The following PDE6C variants were observed in gnomAD, a reference collection of about 807,000 sequenced individuals.
PDE6C encodes the protein phosphodiesterase 6C, also known as cone cGMP-specific 3',5'-cyclic phosphodiesterase subunit alpha'.
A neutral mutation model predicts 113.1 loss-of-function variants in PDE6C; 75 were observed. The observed-to-expected ratio is 0.66, with a 90% confidence interval of 0.55 to 0.80. The LOEUF is 0.80. Ranked by LOEUF, PDE6C falls within the 30% of genes least tolerant of loss-of-function variation. The probability of loss-of-function intolerance (pLI) is 0.00; values close to 1 mark genes in which losing one functional copy is unlikely to be tolerated. For synonymous variants in PDE6C, 375 were observed against 363.7 expected, an observed-to-expected ratio of 1.03 and a Z score of -0.35; for missense variants, 912 against 1,038.6, an observed-to-expected ratio of 0.88 and a Z score of 1.67.
chr10:93,644,665 G>A (rs2058574461), intron 14 of PDE6C, among the ~76,000 whole-genome samples: 1 of 150,996 alleles, frequency 6.6e-6, no homozygotes, highest in Non-Finnish European at 1.5e-5. Flanking sequence ...CTACCTACCT[G>A]TATATTTGTA....
At chr10:93,626,947 T>A in intron 7 of PDE6C, 76 bp downstream of exon 7, 1 of 1,326,182 alleles carries the variant, frequency 7.5e-7, no homozygotes, top group Non-Finnish European at 1.1e-6. Flanking sequence ...GATACAATTG[T>A]GAAAGCAAGA....
chr10:93,645,679 A>C (rs1045594150), intron 14 of PDE6C, among the ~76,000 whole-genome samples: 3 of 152,196 alleles, frequency 2.0e-5, no homozygotes, highest in African/African-American at 7.2e-5. Context: ...CCACCGCCAT[A>C]AGCCCCAGGG....
intron 1 of PDE6C, among the ~76,000 whole-genome samples, chr10:93,617,731 G>A (rs998931597): frequency 2.0e-5 from 3 of 152,130 alleles, no homozygotes; most frequent in African/African-American, 7.2e-5. Flanking sequence ...CAGAGATCAC[G>A]CCATTGCACT....
intron 16 of PDE6C, among the ~76,000 whole-genome samples, chr10:93,658,014 TA>T (rs1188451242): frequency 1.3e-5 from 2 of 150,562 alleles, no homozygotes; most frequent in Non-Finnish European, 3.0e-5. Context: ...ACAAAAAAAT[TA>T]AAAAATTAGC....
chr10:93,629,506 G>A (rs1407091506), intron 8 of PDE6C, among the ~76,000 whole-genome samples: 2 of 152,144 alleles, frequency 1.3e-5, no homozygotes, highest in African/African-American at 2.4e-5. Context: ...AAGACAGAAG[G>A]CCAGGGAGGG....
At chr10:93,620,517 G>T (rs1020669342) in intron 1 of PDE6C, 115 bp from the exon 2 acceptor site, 10 of 1,046,230 alleles carry the variant, frequency 9.6e-6, no homozygotes, top group East Asian at 2.4e-5. Flanking sequence ...CTGTACTGGA[G>T]CCCTGGTTAT....
intron 18 of PDE6C, among the ~76,000 whole-genome samples, chr10:93,660,453 C>A (rs2058660971): frequency 6.6e-6 from 1 of 152,126 alleles, no homozygotes; most frequent in Non-Finnish European, 1.5e-5. Context: ...TGGCTCCTTT[C>A]CTCCAGGAAT....
chr10:93,612,539 C>A lies in PDE6C; in HGVS notation c.-187C>A. 1.4e-6 allele frequency: 1 copy of A among 732,268 alleles called. No homozygotes were observed. Among genetic ancestry groups the A allele is most frequent in the Non-Finnish European group, 2.3e-6 (1 of 430,300 alleles). 45.4% of individuals were successfully genotyped at this position (732,268 alleles called of 1,614,324 possible). ...CCCACCCTAAGCCAGGGCCTTCTGT[C>A]ACATCCCAAGAGTTACAGGCAGTTT... On this transcript the variant is annotated 5_prime_UTR_variant, in exon 1 of 22. Transcript: ENST00000371447.
chr10:93,658,721 C>T (rs1419935122), intron 16 of PDE6C, among the ~76,000 whole-genome samples, 180 bp from the exon 17 acceptor site: 1 of 151,638 alleles, frequency 6.6e-6, no homozygotes, highest in Admixed American at 6.6e-5. Context: ...TGCCTTAAAC[C>T]CTTTCTGAGC....
chr10:93,612,762 C>A lies in PDE6C; in HGVS notation c.37C>A (p.Leu13Met). The change falls in exon 1 of 22, where the codon CTG becomes ATG. Residue 13 changes from leucine (L) to methionine (M), a missense_variant. Physicochemically the swap from Leu to Met is conservative, Grantham distance 15. Coordinates refer to ENST00000371447, the MANE Select transcript of PDE6C (RefSeq NM_006204.4). ...CAACCAAGTTGCCGTGGAGAAATAC[C>A]TGGAGGAGAACCCTCAGTTTGCCAA... is the stretch of plus-strand genomic sequence containing the variant. ...EINQVAVEKY[L>M]EENPQFAKEY... The A allele has an allele frequency of 1.2e-6, 2 of 1,614,114 alleles. No individual in the cohort carries two copies.
chr10:93,629,333 C>T (rs952749714), intron 8 of PDE6C, 28 bp downstream of exon 8: 4 of 1,535,398 alleles, frequency 2.6e-6, no homozygotes, highest in Non-Finnish European at 3.6e-6. Flanking sequence ...CAGACCTCAC[C>T]TCTTGGGGCT....
At chr10:93,624,690 G>A (rs1379388317) in intron 4 of PDE6C, among the ~76,000 whole-genome samples, 4 of 152,070 alleles carry the variant, frequency 2.6e-5, no homozygotes, top group African/African-American at 9.7e-5. Context: ...GGATTCTTTT[G>A]GCTATAAGAA....
At chr10:93,653,272 T>C (rs1341612966) in intron 15 of PDE6C, among the ~76,000 whole-genome samples, 1 of 152,134 alleles carries the variant, frequency 6.6e-6, no homozygotes, top group Non-Finnish European at 1.5e-5. Context: ...AGGTTGAAAA[T>C]AACCTGTATC....
intron 1 of PDE6C, 100 bp downstream of exon 1, chr10:93,613,305 A>T: frequency 6.6e-7 from 1 of 1,512,130 alleles, no homozygotes; most frequent in Non-Finnish European, 9.0e-7. Flanking sequence ...TAGTTTGGCA[A>T]TAACCGGGGG....
Position 93,658,801 on chromosome 10 carries a change from A to G in PDE6C, c.2037-100A>G. On this transcript the variant is annotated intron_variant, in intron 16 of 21. Transcript: ENST00000371447. The stretch of plus-strand genomic sequence containing the variant: ...TAGACTTTGCTATGTGGACATCACA[A>G]TGCAAAGTGGGAACGTGAAATCTGA... The G allele has an allele frequency of 4.0e-6, 3 of 757,082 alleles. No homozygotes were observed. In the East Asian group the frequency reaches 8.1e-5, roughly 20 times the overall value. The allele number at this position is 757,082 out of a possible 1,614,324, so 46.9% of individuals were successfully genotyped here. A position where few individuals can be genotyped will look rare whatever the true frequency, so the allele number is the denominator to read the frequency against.
chr10:93,619,369 G>A (rs1483889436), intron 1 of PDE6C, among the ~76,000 whole-genome samples: 1 of 152,160 alleles, frequency 6.6e-6, no homozygotes, highest in Non-Finnish European at 1.5e-5. Context: ...CTGGCAAGAG[G>A]GTAGTCCTTG....
intron 18 of PDE6C, 142 bp from the exon 19 acceptor site, chr10:93,661,914 CTCT>C: frequency 1.4e-6 from 1 of 696,410 alleles, no homozygotes; most frequent in East Asian, 2.7e-5. Context: ...TGTAAATGAC[CTCT>C]TTTTAAAAGT....
At chr10:93,645,498 T>C (rs2058580038) in intron 14 of PDE6C, among the ~76,000 whole-genome samples, 2 of 152,146 alleles carry the variant, frequency 1.3e-5, no homozygotes, top group African/African-American at 4.8e-5. Flanking sequence ...GGCCCCTACT[T>C]ATATAAAGCT....
intron 8 of PDE6C, among the ~76,000 whole-genome samples, chr10:93,629,950 C>T (rs557417902): frequency 4.6e-5 from 7 of 152,188 alleles, no homozygotes; most frequent in Admixed American, 3.9e-4. Flanking sequence ...GACCCCTGAT[C>T]TAAGGGCTCA....
Sources: allele counts gnomAD v4.1 joint callset (sites outside exome capture counted in the v4.1 genomes callset), GRCh38; gene constraint gnomAD v4.1.1; transcripts MANE v1.5; gene names NCBI Gene and HGNC (gene_info 2026-07-23, HGNC 2026-07-21).